Variants in CCDC78 observed in about 807,000 individuals in gnomAD.
CCDC78 encodes coiled-coil domain containing 78, also known as coiled-coil domain-containing protein 78.
CCDC78 carries 78 observed loss-of-function variants against 61.9 expected under a neutral mutation model. The ratio of observed to expected loss-of-function variants is 1.26; its 90% confidence interval spans 1.05 to 1.52. The LOEUF is 1.52. Among genes scored for constraint, CCDC78 ranks in the 40% most tolerant of loss-of-function variants. CCDC78 has a pLI of 0.00. For synonymous variants in CCDC78, 287 were observed against 251.9 expected (o/e 1.14, Z -1.32); for missense variants, 737 against 615.5 (o/e 1.20, Z -2.09).
At chr16:726,258 C>G in intron 1 of CCDC78, 50 bp downstream of exon 1, 1 of 1,549,374 alleles carries the variant, frequency 6.5e-7, no homozygotes, top group Non-Finnish European at 8.7e-7. Flanking sequence ...TTTGGGGGAA[C>G]GGGCAGACTT....
intron 11 of CCDC78, chr16:723,500 G>C: frequency 1.5e-6 from 1 of 674,230 alleles, no homozygotes; most frequent in Non-Finnish European, 2.7e-6. Flanking sequence ...CCTGCCCATT[G>C]TACAGCTGGG....
Position 726,317 on chromosome 16 carries a change from C to T in CCDC78, c.51G>A (p.Arg17=), listed in dbSNP as rs949623191. Residue 17 remains arginine (R), a synonymous_variant, in exon 1 of 14, where the codon CGG becomes CGA. Transcript: ENST00000345165. ...GTCCCAGAGGACTCACATTCTCCAC[C>T]CGCCGAGAGGGAGGTCCAGGCCTGG... ...TGPRPGPPSR[R]VENVVLRAKD... is the part of the protein sequence containing the mutation. 5 of 1,548,360 alleles carry T rather than the reference C, an allele frequency of 3.2e-6. No homozygotes were observed. The highest frequency in any genetic ancestry group is 4.9e-5 in the East Asian group (2 of 40,924).
In CCDC78 at chr16:724,952, C is replaced by T. The variant is rs1031306587; in HGVS notation, c.598G>A (p.Glu200Lys). 1 of 1,611,032 alleles carries T rather than the reference C, an allele frequency of 6.2e-7. No individual in the cohort carries two copies. Among genetic ancestry groups the T allele is most frequent in the Non-Finnish European group, 8.5e-7 (1 of 1,179,244 alleles). Residue 200 changes from glutamate to lysine, a missense_variant, in exon 7 of 14, where the codon GAG (glutamate) becomes AAG (lysine). Glu to Lys is a moderately conservative substitution (Grantham distance 56). Transcript: ENST00000345165. The part of the protein sequence containing the change: ...LGRQLQGARE[E>K]ARAAGQRLAT... ...AGTCGCTGCCCGGCTGCCCTGGCCT[C>T]CTCTCGGGCTCCCTGCAGCTGCCGG... is the stretch of plus-strand genomic sequence containing the variant.
rs1180683101 is a variant in CCDC78 at position 726,286 on chromosome 16, C to T, written c.60+22G>A. 4.5e-6 allele frequency: 7 copies of T among 1,549,194 alleles called. No individual in the cohort carries two copies. In the East Asian group the frequency reaches 9.8e-5, roughly 22 times the overall value. ...GCAGACTTCAACCCCATGGCAGGAG[C>T]GGCAAGTCCCAGAGGACTCACATTC... On this transcript the variant is annotated intron_variant, in intron 1 of 13. Coordinates refer to ENST00000345165, the MANE Select transcript of CCDC78 (RefSeq NM_001378030.1).
Position 723,178 on chromosome 16 carries a change from A to C in CCDC78, c.1134-17T>G. ...TCCAGGCCCCTGTGAGGGGAGAGGA[A>C]AGGAGGAGTGGTTTTGAGAGCTGGC... On this transcript the variant is annotated splice_polypyrimidine_tract_variant and intron_variant, in intron 11 of 13. Transcript: ENST00000345165. 1 of 1,611,972 alleles carries C rather than the reference A, an allele frequency of 6.2e-7. No homozygotes were observed. The highest frequency in any genetic ancestry group is 8.5e-7 in the Non-Finnish European group (1 of 1,179,726).
In CCDC78 at chr16:725,792, A is replaced by G; in HGVS notation, c.267+2T>C. 1.2e-6 allele frequency: 2 copies of G among 1,604,346 alleles called. No homozygotes were observed. Among genetic ancestry groups the G allele is most frequent in the Non-Finnish European group, 1.7e-6 (2 of 1,175,268 alleles). ...CTGAGGCTGGTTCACACGGCTGCTC[A>G]CCTCACTCTTCAGCTGGAAGATTTC... On this transcript the variant is annotated splice_donor_variant, in intron 3 of 13. Coordinates refer to ENST00000345165, the MANE Select transcript of CCDC78 (RefSeq NM_001378030.1). LOFTEE classifies it high-confidence loss of function.
rs199497862 is a variant in CCDC78, at chr16:725,784, G to A, written c.267+10C>T. On this transcript the variant is annotated intron_variant, in intron 3 of 13. Transcript: ENST00000345165. ...CCCATGCACTGAGGCTGGTTCACACGGCTGCTCACCTCACTCTTCAGCTGG... is the reference window on the plus strand; with the variant it reads ...CCCATGCACTGAGGCTGGTTCACACAGCTGCTCACCTCACTCTTCAGCTGG... 57 of 1,600,630 alleles carry A rather than the reference G, an allele frequency of 3.6e-5. No individual in the cohort carries two copies. In the East Asian group the frequency reaches 9.7e-4, roughly 27 times the overall value.
At chr16:723,534 G>A in intron 11 of CCDC78, 1 of 672,620 alleles carries the variant, frequency 1.5e-6, no homozygotes, top group Non-Finnish European at 2.7e-6. Context: ...AGAGGCAAGG[G>A]CTGGCCCGGT....
At chr16:724,580 G>A (rs1297664905) in intron 8 of CCDC78, 71 bp from the exon 9 acceptor site, 15 of 1,559,000 alleles carry the variant, frequency 9.6e-6, no homozygotes, top group Non-Finnish European at 1.3e-5. Context: ...CACCCCAGCA[G>A]GCTGAGCAGT....
At chr16:725,706 G>A (rs2040840511) in intron 3 of CCDC78, 88 bp downstream of exon 3, 2 of 1,571,130 alleles carry the variant, frequency 1.3e-6, no homozygotes, top group Non-Finnish European at 1.7e-6. Flanking sequence ...CAGATGCCAT[G>A]TGCGTGTGCA....
chr16:723,542 G>A (rs777262660), intron 11 of CCDC78: 24 of 673,756 alleles, frequency 3.6e-5, no homozygotes, highest in South Asian at 6.0e-5. Context: ...GGGCTGGCCC[G>A]GTCACCAGGC....
At chr16:725,353 C>T (rs1052907949) in intron 4 of CCDC78, 60 bp from the exon 5 acceptor site, 2 of 1,611,570 alleles carry the variant, frequency 1.2e-6, no homozygotes, top group Non-Finnish European at 1.7e-6. Context: ...TTCACTGAGG[C>T]CCCTGCTGAG....
chr16:724,283 C>G, intron 9 of CCDC78, 39 bp downstream of exon 9: 2 of 1,599,522 alleles, frequency 1.3e-6, no homozygotes, highest in East Asian at 2.2e-5. Context: ...GCTTAGAGAC[C>G]CACAGATGCC....
Position 723,025 on chromosome 16 carries a change from G to A in CCDC78, c.1201-3C>T. On this transcript the variant is annotated splice_polypyrimidine_tract_variant and splice_region_variant and intron_variant, in intron 12 of 13. Coordinates refer to ENST00000345165, the MANE Select transcript of CCDC78 (RefSeq NM_001378030.1). ...GCCCGCTCCCGTTCCAGCTCTGCCT[G>A]GCATGGGGATGTAAGCCATGAGCTG... The A allele has an allele frequency of 6.2e-7, 1 of 1,612,564 alleles. No individual in the cohort carries two copies. The highest frequency in any genetic ancestry group is 1.1e-5 in the South Asian group (1 of 91,090).
rs371958189 is a variant in CCDC78 at position 723,934 on chromosome 16, G to A, written c.1056C>T (p.His352=). 2.1e-5 allele frequency: 33 copies of A among 1,602,382 alleles called. No individual in the cohort carries two copies. In the East Asian group the frequency reaches 4.5e-4, roughly 22 times the overall value. Residue 352 remains histidine (H), a splice_region_variant and synonymous_variant, in exon 11 of 14, where the codon CAC becomes CAT. Coordinates refer to ENST00000345165, the MANE Select transcript of CCDC78 (RefSeq NM_001378030.1). The stretch of plus-strand genomic sequence containing the variant: ...ATGAGAGCAGTGCCCCAGGCCCGCC[G>A]TGCTACAGAGGTTTGTGGTGGGGAC... The part of the protein sequence containing the change: ...VTDFSHREDQ[H]GGPGALLSSP...
In CCDC78 at chr16:722,998, G is replaced by C; in HGVS notation, c.1225C>G (p.Gln409Glu). ...TQAELERERA[Q>E]LLVRATMAEE... ...GCCATCGTGGCCCGGACCAGCAGCT[G>C]TGCCCGCTCCCGTTCCAGCTCTGCC... Residue 409 changes from glutamine to glutamate, a missense_variant, in exon 13 of 14, where the codon CAG becomes GAG. Gln to Glu is a conservative substitution (Grantham distance 29, BLOSUM62 2). Transcript: ENST00000345165. 2 of 1,612,548 alleles carry C rather than the reference G, an allele frequency of 1.2e-6. No homozygotes were observed. Among genetic ancestry groups the C allele is most frequent in the Non-Finnish European group, 1.7e-6 (2 of 1,180,018 alleles).
At chr16:726,480 C>T (rs1004345653), upstream of CCDC78, 7 of 1,341,558 alleles carry the variant, frequency 5.2e-6, no homozygotes, top group African/African-American at 3.0e-5. Context: ...CTCTGTTGGT[C>T]CCAGGTGACT....
chr16:725,649 G>A (rs1033665944), intron 3 of CCDC78, 69 bp from the exon 4 acceptor site: 26 of 1,584,178 alleles, frequency 1.6e-5, no homozygotes, highest in East Asian at 1.1e-4. Flanking sequence ...ACATTCACCC[G>A]GTGCACGCTC....
rs755636861 is a variant in CCDC78 at position 724,766 on chromosome 16, G to A, written c.680C>T (p.Ala227Val). 1.2e-5 allele frequency: 19 copies of A among 1,611,974 alleles called. No homozygotes were observed. The highest frequency in any genetic ancestry group is 5.0e-5 in the Admixed American group (3 of 59,920). The change falls in exon 8 of 14, where the codon GCT becomes GTT. Residue 227 changes from alanine to valine, a missense_variant. By Grantham distance (64) the Ala-to-Val change is moderately conservative (BLOSUM62 0). Coordinates refer to ENST00000345165, the MANE Select transcript of CCDC78 (RefSeq NM_001378030.1). ...CTGCAGCTGCAGCCGGGCATTTTCAGCCTCTGCCTGACGGAGCTGGCCTTG... is the reference window on the plus strand; with the variant it reads ...CTGCAGCTGCAGCCGGGCATTTTCAACCTCTGCCTGACGGAGCTGGCCTTG... ...SCQGQLRQAE[A>V]ENARLQLQLK...
Sources: allele counts gnomAD v4.1 joint callset, GRCh38; gene constraint gnomAD v4.1.1; transcripts MANE v1.5; gene names NCBI Gene and HGNC (gene_info 2026-07-23, HGNC 2026-07-21).